Variants in DROSHA observed in about 807,000 individuals in gnomAD.
DROSHA encodes drosha ribonuclease III.
A neutral mutation model predicts 181.9 loss-of-function variants in DROSHA; 56 were observed. The ratio of observed to expected loss-of-function variants is 0.31; its 90% confidence interval spans 0.25 to 0.38. The LOEUF (loss-of-function observed/expected upper bound fraction) is 0.38. DROSHA is among the 10% of genes least tolerant of loss of function. The pLI is 1.00. For synonymous variants in DROSHA, 524 were observed against 591.2 expected (o/e 0.89, Z 1.65); for missense variants, 1,218 against 1,743.5 (o/e 0.70, Z 5.37).
At chr5:31,483,389 A>C (rs1385802812) in intron 16 of DROSHA, among the ~76,000 whole-genome samples, 165 bp downstream of exon 16, 2 of 152,314 alleles carry the variant, frequency 1.3e-5, no homozygotes, top group Admixed American at 1.3e-4. Flanking sequence ...TTATGCAGGG[A>C]TATAAATCCA....
Position 31,508,616 on chromosome 5 carries a change from C to T in DROSHA, c.1587+5G>A, listed in dbSNP as rs1486753972. On this transcript the variant is annotated splice_donor_5th_base_variant and intron_variant, in intron 10 of 35. Transcript: ENST00000344624. Reference sequence around the variant, plus strand: ...CCTTCACAGCAAGGGCATAAAAACACGCACCTGGCCTGGATCGTTGTACCA... The same window carrying T: ...CCTTCACAGCAAGGGCATAAAAACATGCACCTGGCCTGGATCGTTGTACCA... 2 of 1,613,796 alleles carry T rather than the reference C, an allele frequency of 1.2e-6. No individual in the cohort carries two copies. Among genetic ancestry groups the T allele is most frequent in the Non-Finnish European group, 1.7e-6 (2 of 1,179,854 alleles).
chr5:31,494,349 A>C (rs547723011), intron 12 of DROSHA, among the ~76,000 whole-genome samples: 1 of 152,350 alleles, frequency 6.6e-6, no homozygotes, highest in South Asian at 2.1e-4. Context: ...CAGATATTAG[A>C]TTTCATTCGT....
intron 22 of DROSHA, 39 bp from the exon 23 acceptor site, chr5:31,448,646 A>G (rs1328678031): frequency 4.0e-6 from 6 of 1,498,240 alleles, no homozygotes; most frequent in Non-Finnish European, 5.6e-6. Context: ...GTAAATACGG[A>G]TAGAAGAATT....
intron 35 of DROSHA, among the ~76,000 whole-genome samples, chr5:31,403,669 G>A (rs1367115894): frequency 2.6e-5 from 4 of 152,050 alleles, no homozygotes; most frequent in African/African-American, 9.7e-5. Context: ...ATTTTTATTG[G>A]CAGACAGACA....
In DROSHA at chr5:31,408,545, A is replaced by T. The variant is rs528996733; in HGVS notation, c.3854+511T>A. Among the ~76,000 whole-genome samples the T allele has an allele frequency of 3.3e-5, 5 of 152,262 alleles. No individual in the cohort carries two copies. The East Asian group carries it at 9.7e-4, about 29-fold the overall frequency. On this transcript the variant is annotated intron_variant, in intron 33 of 35. Transcript: ENST00000344624. ...ATGACTTTTGGCTACCACTCAAAGG[A>T]TAAAGATATTCAAAGTACATGATGG...
rs372868222 is a variant in DROSHA, at chr5:31,515,086, C to G, written c.1192G>C (p.Asp398His). The stretch of plus-strand genomic sequence containing the variant: ...TCTTCTTCTTCCTCCTCATTCTTGT[C>G]AGGCATGGTCTCCTCGGGCTCTTTT... Reference protein sequence around the residue: ...KEKEPEETMPDKNEEEEEELL... With the variant: ...KEKEPEETMPHKNEEEEEELL... The change falls in exon 8 of 36, where the codon GAC becomes CAC. Residue 398 changes from aspartate (D) to histidine (H), a missense_variant. This residue lies in a region of DROSHA where 536 missense variants were observed against 535.4 expected (regional missense o/e 1.00). Transcript: ENST00000344624. 14 of 1,613,866 alleles carry G rather than the reference C, an allele frequency of 8.7e-6. No individual in the cohort carries two copies. Among genetic ancestry groups the G allele is most frequent in the African/African-American group, 1.3e-5 (1 of 74,908 alleles).
At chr5:31,530,962 C>G in intron 2 of DROSHA, 38 bp from the exon 3 acceptor site, 1 of 397,838 alleles carries the variant, frequency 2.5e-6, no homozygotes, top group Non-Finnish European at 4.4e-6. Context: ...TTTACTCTCT[C>G]ACCAATAGTA....
At position 31,526,748 on chromosome 5, in the gene DROSHA, G is replaced by A. The variant is rs1740631452; in HGVS notation, c.185C>T (p.Thr62Ile). 1.3e-6 allele frequency: 2 copies of A among 1,587,648 alleles called. No homozygotes were observed. Among genetic ancestry groups the A allele is most frequent in the Middle Eastern group, 1.7e-4 (1 of 5,870 alleles). The stretch of plus-strand genomic sequence containing the variant: ...ATTGGGGGCTGGAGAGTTTGAGAAA[G>A]TGGTGGAAGGGGCACTTGGAGGTTC... ...QYEPPSAPSTTFSNSPAPNFL... is the reference protein window; with the variant it reads ...QYEPPSAPSTIFSNSPAPNFL... The change falls in exon 5 of 36, where the codon ACT (threonine) becomes ATT (isoleucine). Residue 62 changes from threonine to isoleucine, a missense_variant. By Grantham distance (89) the Thr-to-Ile change is moderately conservative. Around this residue, in one of 8 missense-constraint regions of DROSHA, gnomAD observed 536 missense variants for 535.4 expected, o/e 1.00. Coordinates refer to ENST00000344624, the MANE Select transcript of DROSHA (RefSeq NM_001382508.1).
At chr5:31,427,267 T>C (rs1009081817) in intron 27 of DROSHA, among the ~76,000 whole-genome samples, 2 of 152,194 alleles carry the variant, frequency 1.3e-5, no homozygotes, top group African/African-American at 4.8e-5. Context: ...AACACCACTC[T>C]AGCTTTCTAA....
At chr5:31,493,063 C>A (rs751790824) in intron 13 of DROSHA, 144 bp downstream of exon 13, 19 of 846,432 alleles carry the variant, frequency 2.2e-5, no homozygotes, top group Non-Finnish European at 3.5e-5. Context: ...CTGCTGCAGA[C>A]TTCCTGCAGC....
At chr5:31,486,380 G>T in intron 14 of DROSHA, 111 bp downstream of exon 14, 1 of 1,012,252 alleles carries the variant, frequency 9.9e-7, no homozygotes. Flanking sequence ...TGATACTTTA[G>T]AGATATTCCT....
At chr5:31,410,688 G>A (rs1561116123) in intron 31 of DROSHA, 58 bp downstream of exon 31, 10 of 1,558,454 alleles carry the variant, frequency 6.4e-6, no homozygotes, top group East Asian at 4.6e-5. Context: ...GGACAAATAC[G>A]GTTACTTGGA....
intron 20 of DROSHA, among the ~76,000 whole-genome samples, chr5:31,457,590 A>AT (rs1747827384): frequency 6.6e-6 from 1 of 152,096 alleles, no homozygotes; most frequent in South Asian, 2.1e-4. Context: ...ACAATCTTTC[A>AT]TTTTTAAAAG....
chr5:31,495,200 G>A, intron 12 of DROSHA, 86 bp downstream of exon 12: 1 of 1,392,178 alleles, frequency 7.2e-7, no homozygotes, highest in Non-Finnish European at 9.9e-7. Context: ...AAGAACATTT[G>A]AGAACAGAAT....
chr5:31,434,967 G>T (rs922960833), intron 25 of DROSHA, among the ~76,000 whole-genome samples: 2 of 152,206 alleles, frequency 1.3e-5, no homozygotes, highest in Non-Finnish European at 2.9e-5. Context: ...CTTTATAAAT[G>T]ACATCATTAA....
chr5:31,444,568 T>A (rs778057841), intron 23 of DROSHA, among the ~76,000 whole-genome samples: 1 of 152,112 alleles, frequency 6.6e-6, no homozygotes, highest in African/African-American at 2.4e-5. Flanking sequence ...ACAACTGCGG[T>A]AGGGGAAGAT....
intron 29 of DROSHA, 87 bp downstream of exon 29, chr5:31,422,700 C>T: frequency 6.6e-7 from 1 of 1,519,600 alleles, no homozygotes; most frequent in Non-Finnish European, 9.0e-7. Flanking sequence ...TTTGAAATCC[C>T]AATTCCTTCG....
chr5:31,500,029 T>C (rs1440423060), intron 11 of DROSHA, among the ~76,000 whole-genome samples: 1 of 152,196 alleles, frequency 6.6e-6, no homozygotes, highest in African/African-American at 2.4e-5. Context: ...GGGACATTTA[T>C]GTTTTGACTC....
At position 31,473,718 on chromosome 5, in the gene DROSHA, G is replaced by A. The variant is rs144157458; in HGVS notation, c.2072-1486C>T. On this transcript the variant is annotated intron_variant, in intron 16 of 35. Transcript: ENST00000344624. Reference sequence around the variant, plus strand: ...AAAGGAATCTTCTAAGAGGTTTCACGTAGGCAAAACTTGAAAGGAGCAAGG... The same window carrying A: ...AAAGGAATCTTCTAAGAGGTTTCACATAGGCAAAACTTGAAAGGAGCAAGG... Among the ~76,000 whole-genome samples the A allele has an allele frequency of 1.9e-3, 290 of 152,306 alleles. 2 individuals carry two copies. Among genetic ancestry groups the A allele is most frequent in the African/African-American group, 6.3e-3 (263 of 41,568 alleles).
Sources: allele counts gnomAD v4.1 joint callset (sites outside exome capture counted in the v4.1 genomes callset), GRCh38; gene constraint gnomAD v4.1.1; regional missense constraint gnomAD v4.1.1; transcripts MANE v1.5; gene names NCBI Gene and HGNC (gene_info 2026-07-23, HGNC 2026-07-21).